MYO3B: variants seen among roughly 807,000 people sequenced by gnomAD.
MYO3B encodes myosin-IIIb.
Under a neutral mutation model 174.6 loss-of-function variants are expected in MYO3B, and 156 were observed. The ratio of observed to expected loss-of-function variants is 0.89; its 90% CI spans 0.78 to 1.02. The LOEUF is 1.02. MYO3B is among the 50% of genes least tolerant of loss of function. The pLI, the probability that MYO3B is intolerant of heterozygous loss-of-function variation, is 0.00. For missense variants in MYO3B, 1,632 were observed against 1,639.4 expected (o/e 1.00, Z 0.08); for synonymous variants, 563 against 569.1 (o/e 0.99, Z 0.15).
intron 32 of MYO3B, among the ~76,000 whole-genome samples, chr2:170,544,772 G>A (rs756215064): frequency 1.3e-5 from 2 of 152,134 alleles, no homozygotes; most frequent in African/African-American, 2.4e-5. Context: ...TAAACTCTTG[G>A]AGAGAGACAA....
intron 7 of MYO3B, among the ~76,000 whole-genome samples, chr2:170,314,181 G>A (rs548330903): frequency 7.2e-4 from 110 of 152,242 alleles, no homozygotes; most frequent in African/African-American, 2.5e-3. Flanking sequence ...GCCAAATTCT[G>A]CCAAGCACCT....
intron 7 of MYO3B, among the ~76,000 whole-genome samples, chr2:170,265,753 T>C (rs1278733756): frequency 6.6e-6 from 1 of 152,214 alleles, no homozygotes; most frequent in African/African-American, 2.4e-5. Context: ...TGTACTTTTT[T>C]CTCCTTTTCT....
At chr2:170,283,324 G>A (rs370255182) in intron 7 of MYO3B, among the ~76,000 whole-genome samples, 1 of 152,174 alleles carries the variant, frequency 6.6e-6, no homozygotes, top group Non-Finnish European at 1.5e-5. Context: ...AACCTATCAA[G>A]GCTCTCAGGG....
rs144223297 is a variant in MYO3B at position 170,508,906 on chromosome 2, A to G, written c.3371-6015A>G. 1.2e-4 allele frequency among the ~76,000 whole-genome samples: 18 copies of G among 152,366 alleles called. No homozygotes were observed. In the East Asian group the frequency reaches 3.1e-3, roughly 26 times the overall value. On this transcript the variant is annotated intron_variant, in intron 28 of 34. Transcript: ENST00000408978. ...TCAGGACTGCTATGAAAATGATAGCAGGTAATATATGCAAAGCATCCTGCA... is the reference window on the plus strand; with the variant it reads ...TCAGGACTGCTATGAAAATGATAGCGGGTAATATATGCAAAGCATCCTGCA...
chr2:170,585,334 G>A (rs1025191442), intron 32 of MYO3B, among the ~76,000 whole-genome samples: 3 of 152,036 alleles, frequency 2.0e-5, no homozygotes, highest in African/African-American at 4.8e-5. Context: ...AGTTTCAGGA[G>A]TCACTTGAGC....
rs981552909 is a variant in MYO3B at position 170,351,471 on chromosome 2, C to T, written c.815+16021C>T. 2.0e-5 allele frequency among the ~76,000 whole-genome samples: 3 copies of T among 152,074 alleles called. No homozygotes were observed. In the East Asian group the frequency reaches 5.8e-4, roughly 29 times the overall value. On this transcript the variant is annotated intron_variant, in intron 8 of 34. Coordinates refer to ENST00000408978, the MANE Select transcript of MYO3B (RefSeq NM_138995.5). ...GGATGGTAGAAGGATATATAAGCAG[C>T]CAGGCCTGTGGCTGCCACAGTCATA...
chr2:170,486,547 C>T (rs757567904), intron 25 of MYO3B, among the ~76,000 whole-genome samples: 6 of 152,062 alleles, frequency 3.9e-5, no homozygotes, highest in African/African-American at 7.2e-5. Flanking sequence ...GTGATCCGCC[C>T]GCCTCGGCCT....
chr2:170,500,890 C>T (rs916390917), intron 27 of MYO3B, among the ~76,000 whole-genome samples: 1 of 131,142 alleles, frequency 7.6e-6, no homozygotes, highest in African/African-American at 2.7e-5. Flanking sequence ...TCTTTGTTTA[C>T]GTATATGTGT....
intron 25 of MYO3B, among the ~76,000 whole-genome samples, chr2:170,479,615 T>C (rs1018623038): frequency 1.0e-4 from 15 of 146,488 alleles, no homozygotes; most frequent in Middle Eastern, 6.6e-3. Context: ...ATATCTATTA[T>C]ATATAAATAT....
At chr2:170,240,324 C>G (rs1162258262) in intron 7 of MYO3B, among the ~76,000 whole-genome samples, 1 of 152,120 alleles carries the variant, frequency 6.6e-6, no homozygotes, top group Non-Finnish European at 1.5e-5. Flanking sequence ...AAAATAATAG[C>G]TGCTAAGATC....
intron 22 of MYO3B, among the ~76,000 whole-genome samples, chr2:170,421,650 T>G (rs1217388762): frequency 6.6e-6 from 1 of 152,192 alleles, no homozygotes; most frequent in African/African-American, 2.4e-5. Context: ...CTTCTGCCCT[T>G]GTCTTGGCCT....
chr2:170,472,667 TTTTATCTA>T (rs1180795130), intron 25 of MYO3B, among the ~76,000 whole-genome samples: 1 of 136,522 alleles, frequency 7.3e-6, no homozygotes, highest in African/African-American at 2.6e-5. Flanking sequence ...TCAGCTCACT[TTTTATCTA>T]TTTATTTATT....
intron 30 of MYO3B, among the ~76,000 whole-genome samples, chr2:170,521,042 G>T (rs1318051089): frequency 6.6e-6 from 1 of 152,138 alleles, no homozygotes; most frequent in Non-Finnish European, 1.5e-5. Context: ...GGTCATTAGA[G>T]AGTTCTTTGC....
At chr2:170,309,104 C>T (rs964857416) in intron 7 of MYO3B, among the ~76,000 whole-genome samples, 1 of 152,120 alleles carries the variant, frequency 6.6e-6, no homozygotes, top group African/African-American at 2.4e-5. Flanking sequence ...CTTTAAATAA[C>T]GTATGTCACT....
intron 32 of MYO3B, among the ~76,000 whole-genome samples, chr2:170,612,110 C>G (rs928476423): frequency 6.6e-6 from 1 of 152,176 alleles, no homozygotes; most frequent in Non-Finnish European, 1.5e-5. Flanking sequence ...CCACCCCTTC[C>G]CTAAAAATCT....
At chr2:170,555,394 A>G (rs1453309409) in intron 32 of MYO3B, among the ~76,000 whole-genome samples, 4 of 152,182 alleles carry the variant, frequency 2.6e-5, no homozygotes, top group African/African-American at 9.7e-5. Context: ...TCACTGACCT[A>G]AAAATCCCAT....
chr2:170,220,766 G>A (rs11679071), intron 6 of MYO3B, among the ~76,000 whole-genome samples: 36,059 of 151,902 alleles, frequency 0.24, 5,095 homozygotes, highest in East Asian at 0.42. Flanking sequence ...TGTTGCAGTG[G>A]ATCAATTGAA....
At chr2:170,182,088 T>G (rs888956323) in intron 1 of MYO3B, among the ~76,000 whole-genome samples, 3 of 152,146 alleles carry the variant, frequency 2.0e-5, no homozygotes, top group Admixed American at 2.0e-4. Flanking sequence ...TTTCTATTTA[T>G]TTTTTGGAAA....
At position 170,227,172 on chromosome 2, in the gene MYO3B, T is replaced by G. The variant is rs542307067; in HGVS notation, c.604-8819T>G. On this transcript the variant is annotated intron_variant, in intron 6 of 34. Transcript: ENST00000408978. ...AGCAAATGGGGGAGAGCAGTCAGCA[T>G]GAGGGATGGGACCTCAGAGGAGCCT... 2.4e-4 allele frequency among the ~76,000 whole-genome samples: 37 copies of G among 152,352 alleles called. 1 individual carries two copies. The highest frequency in any genetic ancestry group is 3.9e-4 in the Admixed American group (6 of 15,310).
Sources: gnomAD v4.1 joint callset for allele counts (sites outside exome capture counted in the v4.1 genomes callset) on GRCh38, gnomAD v4.1.1 for gene constraint, MANE v1.5 for transcripts, NCBI Gene and HGNC (gene_info 2026-07-23, HGNC 2026-07-21) for gene names.